PCDH15: variants seen among roughly 807,000 people sequenced by gnomAD.
PCDH15 encodes the protein protocadherin-15.
Under a neutral mutation model 178.5 loss-of-function variants are expected in PCDH15, and 129 were observed. The observed-to-expected ratio is 0.72, with a 90% CI of 0.63 to 0.84. PCDH15 has a LOEUF of 0.84. PCDH15 is among the 40% of genes least tolerant of loss of function. PCDH15 has a pLI of 0.00. For synonymous variants in PCDH15, 800 were observed against 732.0 expected (o/e 1.09, Z -1.50); for missense variants, 2,230 against 2,099.9 (o/e 1.06, Z -1.21).
intron 4 of PCDH15, among the ~76,000 whole-genome samples, chr10:54,373,025 AT>A (rs1392275695): frequency 2.6e-5 from 4 of 151,922 alleles, no homozygotes; most frequent in African/African-American, 9.7e-5. Flanking sequence ...AAAGAAAAAA[AT>A]ATAAAATAGA....
intron 2 of PCDH15, among the ~76,000 whole-genome samples, chr10:54,921,913 A>G (rs900520096): frequency 1.3e-5 from 2 of 152,162 alleles, no homozygotes; most frequent in African/African-American, 4.8e-5. Flanking sequence ...CTCCTGCTCC[A>G]TGGTGGAGCA....
At chr10:54,936,740 TAA>T (rs1837917081) in intron 2 of PCDH15, among the ~76,000 whole-genome samples, 1 of 151,430 alleles carries the variant, frequency 6.6e-6, no homozygotes, top group Non-Finnish European at 1.5e-5. Context: ...TTTTTAGTTT[TAA>T]GAGTTTTTTT....
In PCDH15 at chr10:55,520,299, G is replaced by GTATATA. The variant is rs750692237; in HGVS notation, c.-156+107320_-156+107325dup. Among the ~76,000 whole-genome samples the GTATATA allele has an allele frequency of 8.4e-5, 6 of 71,518 alleles. 1 individual carries two copies. In the South Asian group the frequency reaches 1.7e-3, roughly 20 times the overall value. The allele number at this position is 71,518 out of a possible 152,430, so 46.9% of individuals were successfully genotyped here. ...GTGTATATATATATACACGCAATAT[G>GTATATA]TATATATATATATATACATGCAATG... is the stretch of plus-strand genomic sequence containing the variant. On this transcript the variant is annotated intron_variant, in intron 2 of 5. Coordinates refer to the PCDH15 transcript ENST00000613346.
chr10:54,070,424 G>A (rs2094217266), intron 17 of PCDH15, among the ~76,000 whole-genome samples: 1 of 152,142 alleles, frequency 6.6e-6, no homozygotes, highest in South Asian at 2.1e-4. Flanking sequence ...GGCTGATCTT[G>A]AACTCCTGAC....
intron 2 of PCDH15, among the ~76,000 whole-genome samples, chr10:54,621,437 A>G (rs1282861894): frequency 1.3e-5 from 2 of 152,014 alleles, no homozygotes; most frequent in East Asian, 3.9e-4. Context: ...TAAGTTTACT[A>G]AAACCACCAA....
At chr10:55,348,602 G>T (rs1309037466) in intron 2 of PCDH15, among the ~76,000 whole-genome samples, 1 of 152,110 alleles carries the variant, frequency 6.6e-6, no homozygotes. Context: ...TTAGAAAGTT[G>T]TATTAGTTAA....
chr10:54,765,756 A>T (rs1948434073), intron 1 of PCDH15, among the ~76,000 whole-genome samples: 1 of 152,124 alleles, frequency 6.6e-6, no homozygotes, highest in Non-Finnish European at 1.5e-5. Context: ...ATCTATTAAG[A>T]AAGTCATCCA....
intron 1 of PCDH15, among the ~76,000 whole-genome samples, chr10:54,799,193 A>G (rs1952377802): frequency 6.6e-6 from 1 of 152,042 alleles, no homozygotes; most frequent in Admixed American, 6.6e-5. Flanking sequence ...AACATAAGCT[A>G]TGAACCAAAT....
chr10:54,094,616 T>C (rs2094665340), intron 15 of PCDH15, among the ~76,000 whole-genome samples: 1 of 152,178 alleles, frequency 6.6e-6, no homozygotes, highest in Admixed American at 6.6e-5. Context: ...TCGACCACTT[T>C]AATACCTCAG....
chr10:54,068,040 G>A (rs573405054), intron 17 of PCDH15, among the ~76,000 whole-genome samples: 28 of 152,076 alleles, frequency 1.8e-4, no homozygotes, highest in African/African-American at 6.7e-4. Flanking sequence ...TTCTGTTGGG[G>A]TCACAGAAGT....
At chr10:54,179,372 G>A (rs2047752157) in intron 13 of PCDH15, among the ~76,000 whole-genome samples, 1 of 143,776 alleles carries the variant, frequency 7.0e-6, no homozygotes, top group South Asian at 2.3e-4. Context: ...TGAACAATGA[G>A]AACACATGGA....
intron 1 of PCDH15, among the ~76,000 whole-genome samples, chr10:54,751,425 G>C (rs1024802135): frequency 6.6e-6 from 1 of 152,138 alleles, no homozygotes; most frequent in Non-Finnish European, 1.5e-5. Context: ...TGCACAAACA[G>C]ATGGCACCTG....
At position 55,284,697 on chromosome 10, in the gene PCDH15, CT is replaced by C. The variant is rs1031402351; in HGVS notation, c.-156+34901del. Among the ~76,000 whole-genome samples, 12 of 152,008 alleles carry C rather than the reference CT, an allele frequency of 7.9e-5. 1 individual carries two copies. The highest frequency in any genetic ancestry group is 2.7e-4 in the African/African-American group (11 of 41,420). ...CCCACTGTTTGAATCTCTAACCTGT[CT>C]TTTGCCTTTGGACTTAAATACTTCT... On this transcript the variant is annotated intron_variant, in intron 1 of 5. Transcript: ENST00000458638.
At chr10:55,564,344 T>C (rs1446986962) in intron 2 of PCDH15, among the ~76,000 whole-genome samples, 5 of 151,570 alleles carry the variant, frequency 3.3e-5, no homozygotes. Flanking sequence ...TTTAGAGTGT[T>C]GGCGGTTAAT....
At chr10:54,464,523 T>A (rs534914308) in intron 3 of PCDH15, among the ~76,000 whole-genome samples, 1 of 152,320 alleles carries the variant, frequency 6.6e-6, no homozygotes, top group South Asian at 2.1e-4. Context: ...AGAATAATTA[T>A]AATAGCTTAC....
intron 1 of PCDH15, among the ~76,000 whole-genome samples, chr10:55,218,046 T>G (rs1313683812): frequency 6.6e-6 from 1 of 151,980 alleles, no homozygotes; most frequent in Non-Finnish European, 1.5e-5. Flanking sequence ...TCCTGACACT[T>G]TCTTAGCCAT....
intron 2 of PCDH15, among the ~76,000 whole-genome samples, chr10:55,130,307 G>A (rs1838006407): frequency 1.3e-5 from 2 of 152,120 alleles, no homozygotes; most frequent in South Asian, 4.1e-4. Context: ...TTGTATCTGG[G>A]GAGGAAGAGT....
chr10:55,582,886 AT>A (rs1326388802), intron 2 of PCDH15, among the ~76,000 whole-genome samples: 1 of 151,884 alleles, frequency 6.6e-6, no homozygotes, highest in Non-Finnish European at 1.5e-5. Context: ...CAGATGTTAG[AT>A]TTTGATAGTT....
chr10:55,151,262 A>T (rs991679829), intron 2 of PCDH15, among the ~76,000 whole-genome samples: 1 of 152,210 alleles, frequency 6.6e-6, no homozygotes, highest in East Asian at 1.9e-4. Context: ...AGTACTTGGT[A>T]ATTGTATAAT....
Sources: allele counts gnomAD v4.1 joint callset (sites outside exome capture counted in the v4.1 genomes callset), GRCh38; gene constraint gnomAD v4.1.1; transcripts MANE v1.5; gene names NCBI Gene and HGNC (gene_info 2026-07-23, HGNC 2026-07-21).